Variants in PRRC2C observed in about 807,000 individuals in gnomAD.
The protein encoded by PRRC2C is proline rich coiled-coil 2C.
A neutral mutation model predicts 317.2 loss-of-function variants in PRRC2C; 72 were observed. The observed-to-expected ratio is 0.23, with a 90% CI of 0.19 to 0.28. PRRC2C has a LOEUF of 0.28. Among genes scored for constraint, PRRC2C ranks in the 10% least tolerant of loss-of-function variants. The probability of loss-of-function intolerance (pLI) is 1.00; values close to 1 mark genes in which losing one functional copy is unlikely to be tolerated. For synonymous variants in PRRC2C, 1,296 were observed against 1,205.9 expected, an observed-to-expected ratio of 1.07 and a Z score of -1.55; for missense variants, 3,074 against 3,459.7, an observed-to-expected ratio of 0.89 and a Z score of 2.80.
Position 171,588,442 on chromosome 1 carries a change from G to A in PRRC2C, c.8136G>A (p.Gln2712=), listed in dbSNP as rs375843986. The change falls in exon 33 of 35, where the codon CAG becomes CAA. Residue 2712 remains glutamine (Q), a synonymous_variant. Transcript: ENST00000647382. ...TGAACAGCATTGTCTACCAGAAGCA[G>A]TTCCAGTCAGCCCCTGCCACTGTGA... ...SKMNSIVYQK[Q]FQSAPATVRM... 5 of 1,613,652 alleles carry A rather than the reference G, an allele frequency of 3.1e-6. No individual in the cohort carries two copies. In the African/African-American group the frequency reaches 6.7e-5, roughly 22 times the overall value.
chr1:171,496,946 T>G (rs1339184967), intron 1 of PRRC2C, among the ~76,000 whole-genome samples: 6 of 151,938 alleles, frequency 3.9e-5, no homozygotes, highest in Non-Finnish European at 8.8e-5. Context: ...CACACGCATG[T>G]GCCACCACAC....
At chr1:171,527,661 C>T in intron 10 of PRRC2C, 130 bp from the exon 11 acceptor site, 1 of 660,718 alleles carries the variant, frequency 1.5e-6, no homozygotes, top group Non-Finnish European at 2.6e-6. Context: ...CAGGCTGAGG[C>T]ATGAGAATTG....
At chr1:171,568,620 T>C (rs146951218) in intron 23 of PRRC2C, among the ~76,000 whole-genome samples, 14 of 152,324 alleles carry the variant, frequency 9.2e-5, no homozygotes, top group Non-Finnish European at 1.9e-4. Flanking sequence ...AACCTGGTAT[T>C]GGTAAGAAGT....
intron 24 of PRRC2C, 38 bp downstream of exon 24, chr1:171,571,459 T>C: frequency 7.0e-7 from 1 of 1,423,204 alleles, no homozygotes; most frequent in Non-Finnish European, 9.9e-7. Flanking sequence ...CCTTAATTGT[T>C]GCATGCAAGG....
intron 1 of PRRC2C, among the ~76,000 whole-genome samples, chr1:171,490,032 A>T (rs1367412396): frequency 6.6e-6 from 1 of 151,746 alleles, no homozygotes. Flanking sequence ...TGATTCTCCT[A>T]CCTCAGCTTC....
chr1:171,488,550 A>C (rs1419955523), intron 1 of PRRC2C, among the ~76,000 whole-genome samples: 5 of 152,132 alleles, frequency 3.3e-5, no homozygotes, highest in Non-Finnish European at 5.9e-5. Context: ...CTGGCCTCCA[A>C]CTCCTGGGCT....
chr1:171,547,642 T>G (rs1188399061), intron 17 of PRRC2C, among the ~76,000 whole-genome samples: 5 of 143,244 alleles, frequency 3.5e-5, no homozygotes, highest in Non-Finnish European at 7.6e-5. Flanking sequence ...TCTTTTTTTT[T>G]TTTGTTTTTT....
chr1:171,535,386 T>C (rs757234513), intron 12 of PRRC2C, 42 bp from the exon 13 acceptor site: 2 of 1,557,138 alleles, frequency 1.3e-6, no homozygotes, highest in Non-Finnish European at 1.7e-6. Flanking sequence ...TTGATAAGTG[T>C]CATAGATGAA....
Position 171,527,470 on chromosome 1 carries a change from C to A in PRRC2C, c.1201-321C>A, listed in dbSNP as rs1470872821. Among the ~76,000 whole-genome samples the A allele has an allele frequency of 3.3e-5, 5 of 151,974 alleles. No homozygotes were observed. The East Asian group carries it at 9.7e-4, about 30-fold the overall frequency. On this transcript the variant is annotated intron_variant, in intron 10 of 34. Transcript: ENST00000647382. ...CTTACATGGTTCTTTTTAAGTAATT[C>A]TTTCAAGCTGGTGTGGTGGCTCACA...
At chr1:171,529,369 G>A (rs1228304321) in intron 11 of PRRC2C, among the ~76,000 whole-genome samples, 3 of 152,064 alleles carry the variant, frequency 2.0e-5, no homozygotes, top group African/African-American at 7.2e-5. Flanking sequence ...CTAGTAAACA[G>A]CTCAAATATG....
chr1:171,556,689 C>T (rs1245272632), intron 18 of PRRC2C, among the ~76,000 whole-genome samples: 3 of 152,170 alleles, frequency 2.0e-5, no homozygotes, highest in East Asian at 1.9e-4. Flanking sequence ...ACAAATATCA[C>T]GAACCAGTAG....
intron 5 of PRRC2C, among the ~76,000 whole-genome samples, chr1:171,516,667 C>G (rs912121433): frequency 6.6e-6 from 1 of 152,176 alleles, no homozygotes; most frequent in Non-Finnish European, 1.5e-5. Context: ...TGATATCCCA[C>G]TGTATCTGAA....
chr1:171,512,938 GAATAAAATGGGT>G, intron 2 of PRRC2C, 45 bp from the exon 3 acceptor site: 1 of 1,444,482 alleles, frequency 6.9e-7, no homozygotes, highest in South Asian at 1.4e-5. Flanking sequence ...ATTGTTTGAG[GAATAAAATGGGT>G]AATAAAATAG....
rs964469255 is a variant in PRRC2C, at chr1:171,533,015, G to C, written c.1873+54G>C. ...AAAACTTTACAAAGAGCTTTATGTTGGTTACAGTTTGGGGTTTGTATATTT... is the reference window on the plus strand; with the variant it reads ...AAAACTTTACAAAGAGCTTTATGTTCGTTACAGTTTGGGGTTTGTATATTT... On this transcript the variant is annotated intron_variant, in intron 12 of 34. Transcript: ENST00000647382. The C allele has an allele frequency of 3.8e-5, 55 of 1,454,126 alleles. No individual in the cohort carries two copies. In the African/African-American group the frequency reaches 6.9e-4, roughly 18 times the overall value. The allele number at this position is 1,454,126 out of a possible 1,614,324, so 90.1% of individuals were successfully genotyped here.
At position 171,499,566 on chromosome 1, in the gene PRRC2C, G is replaced by T. The variant is rs546066412; in HGVS notation, c.-57-12466G>T. On this transcript the variant is annotated intron_variant, in intron 1 of 34. Coordinates refer to ENST00000647382, the MANE Select transcript of PRRC2C (RefSeq NM_001387844.1). The stretch of plus-strand genomic sequence containing the variant: ...AGCACTTTGGGATTACTACTCAGGA[G>T]GCCGAGGCAGGTGGATCACTTGAGG... Among the ~76,000 whole-genome samples the T allele has an allele frequency of 2.6e-5, 4 of 152,334 alleles. 1 individual carries two copies. The highest frequency in any genetic ancestry group is 9.6e-5 in the African/African-American group (4 of 41,582).
intron 28 of PRRC2C, among the ~76,000 whole-genome samples, chr1:171,582,895 A>C (rs1271570427): frequency 6.6e-6 from 1 of 151,948 alleles, no homozygotes; most frequent in East Asian, 1.9e-4. Flanking sequence ...ATAATAAATT[A>C]ACCTCAACTT....
At chr1:171,526,623 G>A (rs906570252) in intron 10 of PRRC2C, among the ~76,000 whole-genome samples, 4 of 151,224 alleles carry the variant, frequency 2.6e-5, no homozygotes, top group African/African-American at 9.7e-5. Flanking sequence ...CAGGCGTGAG[G>A]CACCACGCCT....
intron 20 of PRRC2C, among the ~76,000 whole-genome samples, chr1:171,565,525 G>C (rs1236483348): frequency 6.6e-6 from 1 of 152,194 alleles, no homozygotes; most frequent in African/African-American, 2.4e-5. Flanking sequence ...TAGGCTCACT[G>C]CAACGTCCAC....
chr1:171,526,805 C>CTTTTTTTTTTTTTTTTTTTTTTTTTTTT lies in PRRC2C; in HGVS notation c.1201-965_1201-964insTTTTTTTTTTTTTTTTTTTTTTTTTTTT, dbSNP rs938229816. 1.8e-4 allele frequency among the ~76,000 whole-genome samples: 16 copies of CTTTTTTTTTTTTTTTTTTTTTTTTTTTT among 90,206 alleles called. 4 individuals carry two copies. The highest frequency in any genetic ancestry group is 1.2e-3 in the South Asian group (2 of 1,708). 59.2% of individuals were successfully genotyped at this position (90,206 alleles called of 152,430 possible). ...AAAATCATTACATTCAGAAATATAT[C>CTTTTTTTTTTTTTTTTTTTTTTTTTTTT]TTTTTTTTTTTTTTTTTTTTTGAGA... On this transcript the variant is annotated intron_variant, in intron 10 of 34. Transcript: ENST00000647382.
Sources: allele counts gnomAD v4.1 joint callset (sites outside exome capture counted in the v4.1 genomes callset), GRCh38; gene constraint gnomAD v4.1.1; transcripts MANE v1.5; gene names NCBI Gene and HGNC (gene_info 2026-07-23, HGNC 2026-07-21).